HMGB1: variants seen among roughly 807,000 people sequenced by gnomAD.
The protein encoded by HMGB1 is high mobility group protein B1.
For missense variants in HMGB1, 79 were observed against 253.5 expected, an observed-to-expected ratio of 0.31 and a Z score of 4.67; for synonymous variants, 81 against 84.0, an observed-to-expected ratio of 0.96 and a Z score of 0.19.
At chr13:30,466,186 A>G (rs901534004), upstream of HMGB1, among the ~76,000 whole-genome samples, 1 of 152,158 alleles carries the variant, frequency 6.6e-6, no homozygotes, top group Non-Finnish European at 1.5e-5. Context: ...GTATGTGTGC[A>G]TGTGTCTAAC....
chr13:30,485,996 T>C (rs892607469), intron 1 of HMGB1, among the ~76,000 whole-genome samples: 3 of 152,198 alleles, frequency 2.0e-5, no homozygotes, highest in Non-Finnish European at 4.4e-5. Context: ...ACCCTTGATT[T>C]CTATTCATGC....
upstream of HMGB1, chr13:30,466,068 T>C (rs144703093): frequency 1.8e-5 from 9 of 500,040 alleles, no homozygotes; most frequent in Non-Finnish European, 2.3e-5. Context: ...CATCAAGGAT[T>C]GAAACAGCGC....
At chr13:30,617,115 G>A (rs948820770) in exon 1 of HMGB1, 8 of 152,262 alleles carry the variant, frequency 5.3e-5, no homozygotes, top group African/African-American at 1.9e-4. Context: ...TTAAAACAAG[G>A]CAGGGCAGCT....
intron 1 of HMGB1, among the ~76,000 whole-genome samples, chr13:30,579,604 C>A (rs1870814396): frequency 1.3e-5 from 2 of 152,098 alleles, no homozygotes; most frequent in South Asian, 2.1e-4. Context: ...AAACATTTAA[C>A]CTTACCCACA....
intron 1 of HMGB1, among the ~76,000 whole-genome samples, chr13:30,509,110 G>A (rs1379912679): frequency 6.6e-6 from 1 of 152,058 alleles, no homozygotes; most frequent in East Asian, 1.9e-4. Context: ...TTAAAAACAT[G>A]CTTTTTTGTA....
intron 1 of HMGB1, chr13:30,539,962 C>A: frequency 6.3e-6 from 1 of 158,960 alleles, no homozygotes; most frequent in South Asian, 1.7e-4. Context: ...GCAGCCATGT[C>A]TGTAGCCTGC....
At chr13:30,610,609 T>C (rs1047680496) in intron 1 of HMGB1, among the ~76,000 whole-genome samples, 1 of 152,220 alleles carries the variant, frequency 6.6e-6, no homozygotes, top group Non-Finnish European at 1.5e-5. Context: ...GTGGGATTAG[T>C]AGATGTTTTC....
chr13:30,523,337 C>T (rs1432108643), intron 1 of HMGB1, among the ~76,000 whole-genome samples: 1 of 152,224 alleles, frequency 6.6e-6, no homozygotes, highest in Non-Finnish European at 1.5e-5. Context: ...TACAGCACCA[C>T]TCCTTCCTAG....
chr13:30,557,758 C>T (rs1347340553), intron 1 of HMGB1, among the ~76,000 whole-genome samples: 1 of 152,184 alleles, frequency 6.6e-6, no homozygotes, highest in Admixed American at 6.5e-5. Context: ...AACCTTGCCT[C>T]TTTTTAGTCT....
intron 1 of HMGB1, among the ~76,000 whole-genome samples, chr13:30,527,613 C>T (rs774955728): frequency 1.3e-5 from 2 of 152,014 alleles, no homozygotes; most frequent in African/African-American, 4.8e-5. Context: ...CAGAAGGCGC[C>T]GATACAGTGT....
rs370175284 is a variant in HMGB1, at chr13:30,527,445, T to C, written c.-14-63751A>G. ...CCTACCTCTGAGCCTCTTCCCACCT[T>C]CCTCAGATGTCGGTGGTCCACAGTG... On this transcript the variant is annotated intron_variant, in intron 1 of 4. Coordinates refer to the HMGB1 transcript ENST00000405805. Among the ~76,000 whole-genome samples the C allele has an allele frequency of 6.6e-5, 10 of 152,050 alleles. No individual in the cohort carries two copies. In the South Asian group the frequency reaches 1.7e-3, roughly 25 times the overall value.
At chr13:30,607,215 C>G (rs1462599006) in intron 1 of HMGB1, among the ~76,000 whole-genome samples, 3 of 152,190 alleles carry the variant, frequency 2.0e-5, no homozygotes, top group African/African-American at 4.8e-5. Flanking sequence ...TCCCAGGAGA[C>G]TATAATTATT....
chr13:30,517,586 G>T (rs560093441), intron 1 of HMGB1, among the ~76,000 whole-genome samples: 1 of 152,258 alleles, frequency 6.6e-6, no homozygotes, highest in Admixed American at 6.5e-5. Context: ...TAGAGATGGG[G>T]TTTCACCATG....
intron 1 of HMGB1, among the ~76,000 whole-genome samples, chr13:30,572,655 C>T (rs184131455): frequency 1.4e-4 from 22 of 152,248 alleles, no homozygotes; most frequent in Admixed American, 1.2e-3. Context: ...TTAGTGACTC[C>T]GTTGACCCTG....
rs182640767 is a variant in HMGB1 at position 30,552,056 on chromosome 13, C to T, written c.-15+64615G>A. Among the ~76,000 whole-genome samples the T allele has an allele frequency of 2.1e-3, 323 of 152,226 alleles. 1 individual carries two copies. The highest frequency in any genetic ancestry group is 3.4e-3 in the Middle Eastern group (1 of 294). On this transcript the variant is annotated intron_variant, in intron 1 of 4. Coordinates refer to the HMGB1 transcript ENST00000405805. ...GGTATTGGTGTCCCTCTCACAAGCC[C>T]ATCCCAGACTGCTCCTCCCCAACCC...
chr13:30,611,317 C>T (rs139232189), intron 1 of HMGB1, among the ~76,000 whole-genome samples: 274 of 152,264 alleles, frequency 1.8e-3, no homozygotes, highest in African/African-American at 6.2e-3. Context: ...CATGCGCCAA[C>T]GTGCCCAGCT....
intron 1 of HMGB1, among the ~76,000 whole-genome samples, chr13:30,564,278 C>CAAAA (rs60208654): frequency 1.9e-5 from 2 of 105,840 alleles, no homozygotes; most frequent in African/African-American, 6.4e-5. Flanking sequence ...ACTAAAAATG[C>CAAAA]AAAAAAAAAA....
intron 1 of HMGB1, among the ~76,000 whole-genome samples, chr13:30,526,119 T>C (rs1454385979): frequency 6.6e-6 from 1 of 152,204 alleles, no homozygotes; most frequent in African/African-American, 2.4e-5. Flanking sequence ...GGCAGTAGCA[T>C]GATATTGGCT....
intron 1 of HMGB1, among the ~76,000 whole-genome samples, chr13:30,474,925 CTCTCTT>C (rs1172619637): frequency 2.2e-5 from 3 of 135,966 alleles, no homozygotes; most frequent in African/African-American, 8.4e-5. Flanking sequence ...CCTTGGCTCA[CTCTCTT>C]TCTCTTTTTT....
Sources: gnomAD v4.1 joint callset for allele counts (sites outside exome capture counted in the v4.1 genomes callset) on GRCh38, gnomAD v4.1.1 for gene constraint, MANE v1.5 for transcripts, NCBI Gene and HGNC (gene_info 2026-07-23, HGNC 2026-07-21) for gene names.